Variants in LPP observed in about 807,000 individuals in gnomAD.
LPP encodes LIM domain containing preferred translocation partner in lipoma.
LPP carries 38 observed loss-of-function variants against 60.4 expected under a neutral mutation model. The observed-to-expected ratio is 0.63, with a 90% CI of 0.49 to 0.83. LPP has a LOEUF of 0.83. Ranked by LOEUF, LPP falls within the 40% of genes least tolerant of loss-of-function variation. The probability of loss-of-function intolerance (pLI) is 0.00; values close to 1 mark genes in which losing one functional copy is unlikely to be tolerated. For missense variants in LPP, 902 were observed against 783.6 expected (o/e 1.15, Z -1.80); for synonymous variants, 328 against 290.8 (o/e 1.13, Z -1.30).
Position 188,572,142 on chromosome 3 carries a change from C to T in LPP, c.430-37019C>T, listed in dbSNP as rs908781704. On this transcript the variant is annotated intron_variant, in intron 6 of 11. Transcript: ENST00000617246. This position sits in a 1 kb window ranked among gnomAD's most constrained non-coding sequence, Gnocchi z 4.1. ...GTAATTCAAAGGGTTGAAATTTAAA[C>T]GTAAAGAAATTTTTGGAATGCTTTC... 4.6e-5 allele frequency among the ~76,000 whole-genome samples: 7 copies of T among 151,820 alleles called. No homozygotes were observed. The highest frequency in any genetic ancestry group is 8.8e-5 in the Non-Finnish European group (6 of 67,954).
At chr3:188,749,955 C>G (rs1727543763) in intron 8 of LPP, among the ~76,000 whole-genome samples, 1 of 152,150 alleles carries the variant, frequency 6.6e-6, no homozygotes. Context: ...AGCAGAATAA[C>G]TGAGACTGGG....
intron 9 of LPP, among the ~76,000 whole-genome samples, chr3:188,796,578 A>G (rs1273980895): frequency 1.3e-5 from 2 of 151,992 alleles, no homozygotes; most frequent in South Asian, 2.1e-4. Context: ...CATCTCTCCA[A>G]CTCTCCTCAT....
At chr3:188,311,615 A>C (rs1578025265) in intron 2 of LPP, among the ~76,000 whole-genome samples, 2 of 150,634 alleles carry the variant, frequency 1.3e-5, no homozygotes, top group Middle Eastern at 3.4e-3. Flanking sequence ...GTTCTCTTTG[A>C]TGTGCTATTG....
At chr3:188,859,077 A>T (rs1263456438) in intron 9 of LPP, among the ~76,000 whole-genome samples, 2 of 118,676 alleles carry the variant, frequency 1.7e-5, no homozygotes, top group African/African-American at 6.9e-5. Context: ...TGACAGAGTG[A>T]GACTCTGTCT....
intron 3 of LPP, among the ~76,000 whole-genome samples, chr3:188,355,911 C>T (rs184806828): frequency 1.1e-4 from 16 of 152,278 alleles, no homozygotes; most frequent in Middle Eastern, 3.4e-3. Flanking sequence ...TTGCGTGTCT[C>T]CCACACCTCA....
chr3:188,407,795 T>TTG (rs1560364627), intron 4 of LPP, among the ~76,000 whole-genome samples: 1 of 137,460 alleles, frequency 7.3e-6, no homozygotes, highest in Non-Finnish European at 1.6e-5. Context: ...TTTGTTTTTT[T>TTG]TTTTTTTTTT....
intron 4 of LPP, among the ~76,000 whole-genome samples, chr3:188,456,872 C>T (rs1480302699): frequency 1.3e-5 from 2 of 152,138 alleles, no homozygotes; most frequent in Non-Finnish European, 2.9e-5. Flanking sequence ...GTGACAGTCA[C>T]TTAGTTCCTG....
chr3:188,665,315 T>G (rs1855519154), intron 7 of LPP, among the ~76,000 whole-genome samples: 1 of 152,164 alleles, frequency 6.6e-6, no homozygotes, highest in Non-Finnish European at 1.5e-5. Context: ...ATCTAAAAAC[T>G]GGAATATTAG....
At chr3:188,286,805 A>AGG (rs1744076976) in intron 2 of LPP, among the ~76,000 whole-genome samples, 1 of 152,228 alleles carries the variant, frequency 6.6e-6, no homozygotes, top group Non-Finnish European at 1.5e-5. Flanking sequence ...TCAAATATAC[A>AGG]TTAGGGGTAT....
intron 1 of LPP, among the ~76,000 whole-genome samples, chr3:188,162,615 C>G (rs954548492): frequency 6.6e-6 from 1 of 152,068 alleles, no homozygotes; most frequent in African/African-American, 2.4e-5. Flanking sequence ...TATGTTTGGG[C>G]TAACCACAAG....
intron 9 of LPP, among the ~76,000 whole-genome samples, chr3:188,765,484 C>T (rs1438302161): frequency 6.6e-6 from 1 of 152,196 alleles, no homozygotes; most frequent in Admixed American, 6.5e-5. Context: ...TCCATTCATA[C>T]AGCCCCTTAC....
rs1725346550 is a variant in LPP at position 188,182,595 on chromosome 3, C to T, written c.-190+28343C>T. 6.6e-6 allele frequency among the ~76,000 whole-genome samples: 1 copy of T among 152,038 alleles called. No homozygotes were observed. The highest frequency in any genetic ancestry group is 1.5e-5 in the Non-Finnish European group (1 of 68,018). On this transcript the variant is annotated intron_variant, in intron 1 of 11. Transcript: ENST00000617246. This position sits in a 1 kb window ranked among gnomAD's most constrained non-coding sequence, Gnocchi z 4.4. ...TATTTAATTAGCACCTGCTATGTGC[C>T]AAGTCCTGTGCCCAGCTCTTTACAC...
chr3:188,670,240 C>T (rs1473461261), intron 7 of LPP, among the ~76,000 whole-genome samples: 3 of 151,784 alleles, frequency 2.0e-5, no homozygotes, highest in Admixed American at 6.6e-5. Flanking sequence ...TATCCTAGAA[C>T]GTAAAGTATA....
chr3:188,166,092 T>TA, intron 1 of LPP, among the ~76,000 whole-genome samples: 1 of 152,352 alleles, frequency 6.6e-6, no homozygotes, highest in South Asian at 2.1e-4. Flanking sequence ...ACTGAACTGT[T>TA]ACCGTGAAAG....
In LPP at chr3:188,889,223, T is replaced by C. The variant is rs963518586; in HGVS notation, c.*14744T>C. 4.3e-6 allele frequency: 1 copy of C among 230,146 alleles called. No homozygotes were observed. The highest frequency in any genetic ancestry group is 8.6e-6 in the Non-Finnish European group (1 of 116,170). 14.3% of individuals were successfully genotyped at this position (230,146 alleles called of 1,614,324 possible). On this transcript the variant is annotated 3_prime_UTR_variant, in exon 12 of 12. Coordinates refer to ENST00000617246, the MANE Select transcript of LPP (RefSeq NM_001375462.1). ...AGTGTATGTTATTTGATGGCTTTTGTTTCCATAGTTCCATCACTGACAAAA... is the reference window on the plus strand; with the variant it reads ...AGTGTATGTTATTTGATGGCTTTTGCTTCCATAGTTCCATCACTGACAAAA...
At chr3:188,768,738 A>G (rs1046271023) in intron 9 of LPP, among the ~76,000 whole-genome samples, 1 of 152,330 alleles carries the variant, frequency 6.6e-6, no homozygotes, top group Non-Finnish European at 1.5e-5. Context: ...AACATTAAAA[A>G]TTCAGTAGAA....
chr3:188,494,057 T>C (rs955267685), intron 5 of LPP, among the ~76,000 whole-genome samples: 7 of 152,152 alleles, frequency 4.6e-5, no homozygotes, highest in African/African-American at 1.7e-4. Flanking sequence ...TTATCTTTTA[T>C]CTGAAATGGG....
chr3:188,547,415 C>A (rs1233985075), intron 6 of LPP, among the ~76,000 whole-genome samples: 1 of 152,126 alleles, frequency 6.6e-6, no homozygotes, highest in Non-Finnish European at 1.5e-5. Flanking sequence ...GTCCCATAAC[C>A]CCTCAGGATA....
intron 2 of LPP, among the ~76,000 whole-genome samples, chr3:188,273,075 G>A (rs535849498): frequency 6.1e-4 from 93 of 152,328 alleles, no homozygotes; most frequent in Admixed American, 1.4e-3. Context: ...TTATGCCTGC[G>A]TCGTGTTTTC....
Sources: allele counts gnomAD v4.1 joint callset (sites outside exome capture counted in the v4.1 genomes callset), GRCh38; gene constraint gnomAD v4.1.1; non-coding constraint Gnocchi (gnomAD v3.1); transcripts MANE v1.5; gene names NCBI Gene and HGNC (gene_info 2026-07-23, HGNC 2026-07-21).